The following NRG3 variants were observed in gnomAD, a reference collection of about 807,000 sequenced individuals.
NRG3 encodes the protein neuregulin 3.
NRG3 carries 31 observed loss-of-function variants against 66.9 expected under a neutral mutation model. The ratio of observed to expected loss-of-function variants is 0.46; its 90% CI spans 0.35 to 0.63. The LOEUF is 0.63. NRG3 is among the 20% of genes least tolerant of loss of function. The probability of loss-of-function intolerance (pLI) is 0.00; values close to 1 mark genes in which losing one functional copy is unlikely to be tolerated. For synonymous variants in NRG3, 393 were observed against 359.4 expected, an observed-to-expected ratio of 1.09 and a Z score of -1.06; for missense variants, 910 against 878.9, an observed-to-expected ratio of 1.04 and a Z score of -0.45.
At chr10:82,053,985 G>A (rs1439407567) in intron 1 of NRG3, among the ~76,000 whole-genome samples, 1 of 152,192 alleles carries the variant, frequency 6.6e-6, no homozygotes, top group Admixed American at 6.5e-5. Context: ...ACAGCTGGTG[G>A]CTAACCTATT....
chr10:82,333,589 T>A (rs1446940435), intron 1 of NRG3, among the ~76,000 whole-genome samples: 1 of 152,168 alleles, frequency 6.6e-6, no homozygotes, highest in South Asian at 2.1e-4. Flanking sequence ...ATAGCTAAAG[T>A]TTTGGAGATT....
chr10:82,597,424 C>G (rs1179719976), intron 2 of NRG3, among the ~76,000 whole-genome samples: 1 of 152,162 alleles, frequency 6.6e-6, no homozygotes, highest in Non-Finnish European at 1.5e-5. Flanking sequence ...TGCAGATTAG[C>G]TTTTTATCCA....
chr10:82,784,490 A>G (rs145317066), intron 3 of NRG3, among the ~76,000 whole-genome samples: 11,817 of 152,240 alleles, frequency 0.078, 576 homozygotes, highest in East Asian at 0.2. Context: ...AGAATCTACA[A>G]TGAACTCAAA....
intron 1 of NRG3, among the ~76,000 whole-genome samples, chr10:82,175,845 A>T (rs2072994803): frequency 6.6e-6 from 1 of 152,160 alleles, no homozygotes; most frequent in East Asian, 1.9e-4. Context: ...TGCCTACCTA[A>T]TATAAATTCT....
chr10:82,801,119 A>G (rs2061016814), intron 3 of NRG3, among the ~76,000 whole-genome samples: 1 of 152,216 alleles, frequency 6.6e-6, no homozygotes, highest in African/African-American at 2.4e-5. Context: ...GGAGCATGTG[A>G]TGGAACATGC....
At chr10:82,677,420 A>T (rs1178970155) in intron 2 of NRG3, among the ~76,000 whole-genome samples, 2 of 152,174 alleles carry the variant, frequency 1.3e-5, no homozygotes, top group African/African-American at 2.4e-5. Context: ...AATCAGTTTC[A>T]GACTATGCAC....
At chr10:81,969,259 A>G (rs1236177316) in intron 1 of NRG3, among the ~76,000 whole-genome samples, 1 of 152,214 alleles carries the variant, frequency 6.6e-6, no homozygotes, top group Non-Finnish European at 1.5e-5. Flanking sequence ...CCTGAAACAT[A>G]GAAGGAACCA....
chr10:82,121,080 CAGTTCCAACTGGTA>C, intron 1 of NRG3, among the ~76,000 whole-genome samples: 1 of 152,286 alleles, frequency 6.6e-6, no homozygotes, highest in East Asian at 1.9e-4. Flanking sequence ...ACTCTACAGA[CAGTTCCAACTGGTA>C]AATTCTCTGG....
At chr10:82,054,788 T>C (rs1165706092) in intron 1 of NRG3, among the ~76,000 whole-genome samples, 1 of 152,032 alleles carries the variant, frequency 6.6e-6, no homozygotes, top group East Asian at 1.9e-4. Context: ...GGAGGATCTC[T>C]TGAGCCCACG....
chr10:82,267,847 G>T (rs2078384535), intron 1 of NRG3, among the ~76,000 whole-genome samples: 1 of 152,158 alleles, frequency 6.6e-6, no homozygotes, highest in Admixed American at 6.5e-5. Flanking sequence ...GTGGTGGGCA[G>T]CAGGTCTTCC....
chr10:82,462,965 G>A (rs1328749610), intron 2 of NRG3, among the ~76,000 whole-genome samples: 4 of 152,146 alleles, frequency 2.6e-5, no homozygotes, highest in African/African-American at 9.7e-5. Flanking sequence ...GGCTGGTCTT[G>A]AACCCAAGAT....
chr10:82,713,815 A>G (rs1040735337), intron 2 of NRG3, among the ~76,000 whole-genome samples: 2 of 152,210 alleles, frequency 1.3e-5, no homozygotes, highest in Non-Finnish European at 2.9e-5. Flanking sequence ...ATGGAAACCT[A>G]TATGACCACA....
chr10:82,034,661 A>T lies in NRG3; in HGVS notation c.823+158498A>T, dbSNP rs1312674034. ...ATTCCCCAGCCATTCCCTGGAGTAC[A>T]CCTTGTTTTATCTGCATTTGTTCAT... On this transcript the variant is annotated intron_variant, in intron 1 of 8. Transcript: ENST00000372141. 2.6e-5 allele frequency among the ~76,000 whole-genome samples: 4 copies of T among 151,782 alleles called. No individual in the cohort carries two copies. The East Asian group carries it at 7.8e-4, about 30-fold the overall frequency.
chr10:82,487,130 A>G (rs1398712079), intron 2 of NRG3, among the ~76,000 whole-genome samples: 2 of 148,688 alleles, frequency 1.3e-5, no homozygotes, highest in Non-Finnish European at 3.0e-5. Context: ...ATAGATATAT[A>G]TATAATTTTT....
At chr10:82,233,577 T>C (rs769438491) in intron 1 of NRG3, among the ~76,000 whole-genome samples, 2 of 152,154 alleles carry the variant, frequency 1.3e-5, no homozygotes, top group African/African-American at 2.4e-5. Flanking sequence ...TAAAATGCCA[T>C]CTATCTTCTA....
intron 2 of NRG3, among the ~76,000 whole-genome samples, chr10:82,592,042 G>T (rs1422335338): frequency 6.6e-6 from 1 of 152,186 alleles, no homozygotes; most frequent in Non-Finnish European, 1.5e-5. Context: ...CACAGATTGT[G>T]TGACATTTCT....
rs532433054 is a variant in NRG3, at chr10:82,121,399, ACTT to A, written c.824-237339_824-237337del. 2.0e-4 allele frequency among the ~76,000 whole-genome samples: 30 copies of A among 152,244 alleles called. No individual in the cohort carries two copies. In the South Asian group the frequency reaches 6.2e-3, roughly 32 times the overall value. On this transcript the variant is annotated intron_variant, in intron 1 of 8. Coordinates refer to ENST00000372141, the MANE Select transcript of NRG3 (RefSeq NM_001010848.4). Reference sequence around the variant, plus strand: ...AATGTCTTGGTTTCCTCAGTTTTAAACTTGGAAGAAATAGTCCCTCAAAGAGAG... The same window carrying A: ...AATGTCTTGGTTTCCTCAGTTTTAAAGGAAGAAATAGTCCCTCAAAGAGAG...
chr10:82,372,611 A>G (rs1393796009), intron 2 of NRG3, among the ~76,000 whole-genome samples: 2 of 152,156 alleles, frequency 1.3e-5, no homozygotes, highest in East Asian at 3.9e-4. Flanking sequence ...GTATTTATTT[A>G]TCCTGAGAGT....
At chr10:82,133,422 C>G (rs1347941970) in intron 1 of NRG3, among the ~76,000 whole-genome samples, 1 of 152,158 alleles carries the variant, frequency 6.6e-6, no homozygotes, top group Non-Finnish European at 1.5e-5. Context: ...ACCCTGCACC[C>G]TCAAGTAGAC....
Sources: gnomAD v4.1 joint callset for allele counts (sites outside exome capture counted in the v4.1 genomes callset) on GRCh38, gnomAD v4.1.1 for gene constraint, MANE v1.5 for transcripts, NCBI Gene and HGNC (gene_info 2026-07-23, HGNC 2026-07-21) for gene names.